ADGB: variants seen among roughly 807,000 people sequenced by gnomAD.
ADGB encodes the protein androglobin.
ADGB carries 172 observed loss-of-function variants against 210.5 expected under a neutral mutation model. The observed-to-expected ratio is 0.82, with a 90% CI of 0.72 to 0.93. ADGB has a LOEUF of 0.93. Among genes scored for constraint, ADGB ranks in the 40% least tolerant of loss-of-function variants. ADGB has a pLI of 0.00. For missense variants in ADGB, 2,025 were observed against 1,964.8 expected (o/e 1.03, Z -0.58); for synonymous variants, 658 against 662.7 (o/e 0.99, Z 0.11).
chr6:146,788,410 T>G lies in ADGB; in HGVS notation c.4337T>G (p.Val1446Gly), dbSNP rs1157484858. Reference protein sequence around the residue: ...KEEVETAARGVKEPNSKNSAG... With the variant: ...KEEVETAARGGKEPNSKNSAG... ...GTAGTAGAAACAGCTGCACGTGGCG[T>G]AAAAGAACCAAACTCAAAGAATTCT... Residue 1446 changes from valine to glycine, a missense_variant, in exon 33 of 36, where the codon GTA (valine) becomes GGA (glycine). Transcript: ENST00000397944. 6.4e-7 allele frequency: 1 copy of G among 1,551,528 alleles called. No individual in the cohort carries two copies. Among genetic ancestry groups the G allele is most frequent in the Non-Finnish European group, 8.7e-7 (1 of 1,146,894 alleles).
At position 146,708,655 on chromosome 6, in the gene ADGB, C is replaced by T. The variant is rs190693944; in HGVS notation, c.1708-6727C>T. On this transcript the variant is annotated intron_variant, in intron 13 of 35. Transcript: ENST00000397944. ...TCCTCTCTTTGTCTTTGATTTTTGACAGTTTGATTACAGTATGTCTTGGTG... is the reference window on the plus strand; with the variant it reads ...TCCTCTCTTTGTCTTTGATTTTTGATAGTTTGATTACAGTATGTCTTGGTG... Among the ~76,000 whole-genome samples, 3 of 152,146 alleles carry T rather than the reference C, an allele frequency of 2.0e-5. No homozygotes were observed. In the East Asian group the frequency reaches 5.8e-4, roughly 29 times the overall value.
chr6:146,635,305 C>T (rs1005005079), intron 1 of ADGB, 70 bp from the exon 2 acceptor site: 2 of 1,264,882 alleles, frequency 1.6e-6, no homozygotes, highest in African/African-American at 1.6e-5. Context: ...TTATGTTATG[C>T]AGTTAATCCA....
chr6:146,733,172 C>T lies in ADGB; in HGVS notation c.2573C>T (p.Pro858Leu). The T allele has an allele frequency of 1.3e-6, 2 of 1,539,030 alleles. No individual in the cohort carries two copies. Among genetic ancestry groups the T allele is most frequent in the South Asian group, 1.2e-5 (1 of 81,832 alleles). The change falls in exon 21 of 36, where the codon CCT becomes CTT. Residue 858 changes from proline (P) to leucine (L), a missense_variant. Physicochemically the swap from Pro to Leu is moderately conservative, Grantham distance 98. Coordinates refer to ENST00000397944, the MANE Select transcript of ADGB (RefSeq NM_024694.4). ...RLMKKVQITKPPPNFKFAFRA... is the reference protein window; with the variant it reads ...RLMKKVQITKLPPNFKFAFRA... ...ATGAAAAAAGTTCAAATAACAAAAC[C>T]TCCTCCAAACTTCAAATTTGCATTC...
At chr6:146,691,491 T>A (rs1332452088) in intron 11 of ADGB, among the ~76,000 whole-genome samples, 2 of 17,168 alleles carry the variant, frequency 1.2e-4, no homozygotes, top group African/African-American at 7.4e-4. Context: ...TATATATATA[T>A]ATATATATAT....
chr6:146,715,558 G>A (rs1776720573), intron 14 of ADGB, 143 bp downstream of exon 14: 3 of 483,736 alleles, frequency 6.2e-6, no homozygotes, highest in South Asian at 8.4e-5. Context: ...GTCTGCTCTG[G>A]GCTTTAAAAA....
At chr6:146,757,199 T>A (rs1401513569) in intron 27 of ADGB, among the ~76,000 whole-genome samples, 1 of 152,094 alleles carries the variant, frequency 6.6e-6, no homozygotes, top group East Asian at 1.9e-4. Flanking sequence ...CCATTTGATT[T>A]ATAGTTATCA....
chr6:146,739,123 G>A (rs1258337105), intron 23 of ADGB, among the ~76,000 whole-genome samples: 1 of 152,058 alleles, frequency 6.6e-6, no homozygotes, highest in Non-Finnish European at 1.5e-5. Context: ...TGGGAAGACT[G>A]GAAATCACAC....
intron 1 of ADGB, among the ~76,000 whole-genome samples, chr6:146,602,864 T>G (rs993298269): frequency 3.3e-5 from 5 of 152,212 alleles, no homozygotes; most frequent in Admixed American, 1.3e-4. Context: ...TGTGTGATCT[T>G]TACAAGAATC....
At chr6:146,641,067 C>T (rs1472691038) in intron 2 of ADGB, among the ~76,000 whole-genome samples, 2 of 151,960 alleles carry the variant, frequency 1.3e-5, no homozygotes, top group Non-Finnish European at 2.9e-5. Flanking sequence ...AGCAAACTTG[C>T]AGGATACAAA....
chr6:146,654,521 T>C (rs907688852), intron 4 of ADGB, among the ~76,000 whole-genome samples: 3 of 151,888 alleles, frequency 2.0e-5, no homozygotes, highest in Non-Finnish European at 4.4e-5. Context: ...CCCAGCTAAT[T>C]TTAAATTTTT....
chr6:146,798,457 C>T (rs1423165264), intron 33 of ADGB, among the ~76,000 whole-genome samples: 5 of 152,116 alleles, frequency 3.3e-5, no homozygotes, highest in South Asian at 4.1e-4. Flanking sequence ...GAAAAACCTA[C>T]GGTAAACATC....
chr6:146,806,114 A>C (rs1028255324), intron 35 of ADGB, among the ~76,000 whole-genome samples: 2 of 152,226 alleles, frequency 1.3e-5, no homozygotes, highest in African/African-American at 4.8e-5. Flanking sequence ...TAGATTAGAA[A>C]ACAAAAGGGA....
chr6:146,736,243 T>C (rs1777076541), intron 22 of ADGB, among the ~76,000 whole-genome samples: 1 of 152,196 alleles, frequency 6.6e-6, no homozygotes, highest in Non-Finnish European at 1.5e-5. Flanking sequence ...ATGACTATCT[T>C]AAATTAGGTC....
intron 26 of ADGB, among the ~76,000 whole-genome samples, chr6:146,747,807 C>G (rs1207554659): frequency 7.0e-6 from 1 of 142,752 alleles, no homozygotes; most frequent in East Asian, 2.1e-4. Flanking sequence ...GAGACAGAGT[C>G]TCACTCTGTC....
At chr6:146,786,379 G>A (rs1303878168) in intron 32 of ADGB, among the ~76,000 whole-genome samples, 1 of 151,754 alleles carries the variant, frequency 6.6e-6, no homozygotes, top group Non-Finnish European at 1.5e-5. Context: ...CCACACTGAG[G>A]TGTCCGTGGA....
intron 13 of ADGB, among the ~76,000 whole-genome samples, chr6:146,712,460 T>C (rs1583601269): frequency 6.6e-6 from 1 of 152,122 alleles, no homozygotes; most frequent in Non-Finnish European, 1.5e-5. Flanking sequence ...GTGCTGAGAT[T>C]ACAGGTGTGA....
chr6:146,700,845 A>T, intron 12 of ADGB, 96 bp from the exon 13 acceptor site: 1 of 1,364,252 alleles, frequency 7.3e-7, no homozygotes, highest in Non-Finnish European at 9.8e-7. Context: ...GAACACAATC[A>T]GAACTTTCTA....
chr6:146,778,511 CT>C (rs1214973790), intron 29 of ADGB, among the ~76,000 whole-genome samples: 1 of 152,054 alleles, frequency 6.6e-6, no homozygotes, highest in Non-Finnish European at 1.5e-5. Context: ...GTTTTTATTT[CT>C]TTTTTTCTTC....
At position 146,741,284 on chromosome 6, in the gene ADGB, T is replaced by C. The variant is rs932538836; in HGVS notation, c.3177+13T>C. ...TACCAAGAATAAGGTAGGTATAAAA[T>C]TTATTCTCCACATATGATAGAATGG... is the stretch of plus-strand genomic sequence containing the variant. On this transcript the variant is annotated intron_variant, in intron 25 of 35. Transcript: ENST00000397944. 6 of 1,550,040 alleles carry C rather than the reference T, an allele frequency of 3.9e-6. No homozygotes were observed. The highest frequency in any genetic ancestry group is 2.4e-5 in the East Asian group (1 of 40,834).
Sources: gnomAD v4.1 joint callset for allele counts (sites outside exome capture counted in the v4.1 genomes callset) on GRCh38, gnomAD v4.1.1 for gene constraint, MANE v1.5 for transcripts, NCBI Gene and HGNC (gene_info 2026-07-23, HGNC 2026-07-21) for gene names.